Variants in STXBP5L observed in about 807,000 individuals in gnomAD.
The protein encoded by STXBP5L is syntaxin-binding protein 5-like.
Under a neutral mutation model 144.5 loss-of-function variants are expected in STXBP5L, and 65 were observed. The observed-to-expected ratio is 0.45, with a 90% CI of 0.37 to 0.55. The LOEUF (loss-of-function observed/expected upper bound fraction) is 0.55, where lower values mean the gene tolerates loss of function less well. STXBP5L is among the 20% of genes least tolerant of loss of function. STXBP5L has a pLI of 0.00. For synonymous variants in STXBP5L, 505 were observed against 469.6 expected, an observed-to-expected ratio of 1.08 and a Z score of -0.97; for missense variants, 1,298 against 1,405.5, an observed-to-expected ratio of 0.92 and a Z score of 1.22.
chr3:121,134,667 G>A (rs997952249), intron 7 of STXBP5L, among the ~76,000 whole-genome samples: 24 of 151,306 alleles, frequency 1.6e-4, no homozygotes, highest in Middle Eastern at 6.8e-3. Context: ...TTGGTTTTTT[G>A]TTCTTGTGAT....
chr3:121,261,860 G>A (rs1416563398), intron 18 of STXBP5L, among the ~76,000 whole-genome samples: 1 of 152,114 alleles, frequency 6.6e-6, no homozygotes, highest in African/African-American at 2.4e-5. Flanking sequence ...TAGTCCATTT[G>A]GGCTGCTTAA....
intron 3 of STXBP5L, among the ~76,000 whole-genome samples, chr3:121,033,209 G>T (rs1181622985): frequency 7.0e-6 from 1 of 142,256 alleles, no homozygotes; most frequent in East Asian, 2.0e-4. Flanking sequence ...TAAAAAATGT[G>T]GCACATATAC....
chr3:120,953,357 C>G (rs1316078732), intron 2 of STXBP5L, among the ~76,000 whole-genome samples: 1 of 107,470 alleles, frequency 9.3e-6, no homozygotes, highest in South Asian at 3.1e-4. Context: ...GAGATGAGGT[C>G]TTGTTCTGTT....
At chr3:120,993,829 T>C (rs1004127705) in intron 3 of STXBP5L, among the ~76,000 whole-genome samples, 16 of 152,084 alleles carry the variant, frequency 1.1e-4, no homozygotes, top group African/African-American at 3.4e-4. Context: ...TCTATTTTTG[T>C]GAGAATATCA....
intron 3 of STXBP5L, among the ~76,000 whole-genome samples, chr3:121,010,888 G>A (rs989210485): frequency 6.6e-6 from 1 of 151,548 alleles, no homozygotes; most frequent in Admixed American, 6.6e-5. Context: ...GAAGGGGTTT[G>A]TCTTGCTGTC....
intron 7 of STXBP5L, among the ~76,000 whole-genome samples, chr3:121,150,477 T>G (rs186260878): frequency 1.3e-5 from 2 of 152,194 alleles, no homozygotes; most frequent in Non-Finnish European, 2.9e-5. Flanking sequence ...GATTCTAATA[T>G]CATGTTTTCT....
At chr3:121,210,686 G>T (rs2048527105) in intron 10 of STXBP5L, among the ~76,000 whole-genome samples, 1 of 152,124 alleles carries the variant, frequency 6.6e-6, no homozygotes, top group Non-Finnish European at 1.5e-5. Flanking sequence ...ATTAAATAGG[G>T]AATCCTTTCC....
chr3:121,175,602 A>G (rs1007273696), intron 9 of STXBP5L, among the ~76,000 whole-genome samples: 28 of 152,138 alleles, frequency 1.8e-4, no homozygotes, highest in African/African-American at 6.8e-4. Flanking sequence ...AATAGTGGAG[A>G]TGAAATAGAA....
chr3:121,290,300 A>G (rs1240627612), intron 19 of STXBP5L, among the ~76,000 whole-genome samples: 1 of 152,176 alleles, frequency 6.6e-6, no homozygotes, highest in African/African-American at 2.4e-5. Context: ...TAGAAAACCT[A>G]GAGAAGATGG....
intron 9 of STXBP5L, among the ~76,000 whole-genome samples, chr3:121,176,994 G>T (rs1185764754): frequency 2.0e-5 from 3 of 151,944 alleles, no homozygotes; most frequent in Non-Finnish European, 4.4e-5. Flanking sequence ...CCTACTTTGT[G>T]TCTGGGAAAA....
At position 121,328,578 on chromosome 3, in the gene STXBP5L, G is replaced by A. The variant is rs567547552; in HGVS notation, c.2176+10038G>A. ...AGCCTGACCAACACAGTGAAAGCCCGTCTCTACTAAAAATATAAAAACTTA... is the reference window on the plus strand; with the variant it reads ...AGCCTGACCAACACAGTGAAAGCCCATCTCTACTAAAAATATAAAAACTTA... On this transcript the variant is annotated intron_variant, in intron 20 of 26. Transcript: ENST00000471454. Among the ~76,000 whole-genome samples the A allele has an allele frequency of 1.2e-3, 181 of 152,032 alleles. 6 individuals carry two copies. The highest frequency in any genetic ancestry group is 0.01 in the Middle Eastern group (3 of 294).
At chr3:121,113,672 C>CTTTTTTTTTTT (rs1231857211) in intron 5 of STXBP5L, among the ~76,000 whole-genome samples, 3 of 122,568 alleles carry the variant, frequency 2.4e-5, no homozygotes, top group South Asian at 2.6e-4. Flanking sequence ...TTTTCTTTTT[C>CTTTTTTTTTTT]TTTTTTTTTT....
In STXBP5L at chr3:121,255,038, T is replaced by C; in HGVS notation, c.1585T>C (p.Phe529Leu). 6.2e-7 allele frequency: 1 copy of C among 1,613,518 alleles called. No individual in the cohort carries two copies. Residue 529 changes from phenylalanine (F) to leucine (L), a missense_variant, in exon 16 of 27, where the codon TTC becomes CTC. Coordinates refer to ENST00000471454, the MANE Select transcript of STXBP5L (RefSeq NM_001308330.2). ...TTACTGGTGTCCAGAGAGCAGAATA[T>C]TCTGTGTATCAGGAGTCTCTGCATA... ...MIYWCPESRI[F>L]CVSGVSAYVI... is the part of the protein sequence containing the mutation.
At chr3:121,394,550 T>C (rs1250099191) in intron 22 of STXBP5L, among the ~76,000 whole-genome samples, 3 of 151,926 alleles carry the variant, frequency 2.0e-5, no homozygotes, top group Non-Finnish European at 2.9e-5. Flanking sequence ...GTTTGTCATA[T>C]ATGACTTTTA....
At chr3:121,161,240 C>CTTTTTTTTTTTTTT (rs202218213) in intron 9 of STXBP5L, among the ~76,000 whole-genome samples, 1 of 138,974 alleles carries the variant, frequency 7.2e-6, no homozygotes, top group Non-Finnish European at 1.6e-5. Context: ...TTTGCTTTTG[C>CTTTTTTTTTTTTTT]TTTTTTTTTT....
At chr3:121,305,678 T>A (rs920615700) in intron 19 of STXBP5L, among the ~76,000 whole-genome samples, 2 of 152,174 alleles carry the variant, frequency 1.3e-5, no homozygotes, top group African/African-American at 4.8e-5. Flanking sequence ...AAGAAAAATC[T>A]ACAGCATCAT....
chr3:121,091,374 A>G (rs2042783608), intron 5 of STXBP5L, among the ~76,000 whole-genome samples: 1 of 150,256 alleles, frequency 6.7e-6, no homozygotes, highest in South Asian at 2.1e-4. Context: ...ACAATGGTTG[A>G]ACTAGTTTAC....
chr3:121,030,026 C>T (rs1043865333), intron 3 of STXBP5L, among the ~76,000 whole-genome samples: 1 of 152,008 alleles, frequency 6.6e-6, no homozygotes, highest in South Asian at 2.1e-4. Context: ...AGTCAGGAAA[C>T]GACAGAAGCT....
At chr3:121,007,651 G>A (rs548252338) in intron 3 of STXBP5L, among the ~76,000 whole-genome samples, 1 of 151,956 alleles carries the variant, frequency 6.6e-6, no homozygotes, top group Non-Finnish European at 1.5e-5. Flanking sequence ...ATGAGGGTGG[G>A]ATATTATTCA....
Sources: gnomAD v4.1 joint callset for allele counts (sites outside exome capture counted in the v4.1 genomes callset) on GRCh38, gnomAD v4.1.1 for gene constraint, MANE v1.5 for transcripts, NCBI Gene and HGNC (gene_info 2026-07-23, HGNC 2026-07-21) for gene names.